The following RABGAP1L variants were observed in gnomAD, a reference collection of about 807,000 sequenced individuals.
RABGAP1L encodes rab GTPase-activating protein 1-like.
Under a neutral mutation model 137.7 loss-of-function variants are expected in RABGAP1L, and 63 were observed. The ratio of observed to expected loss-of-function variants is 0.46; its 90% CI spans 0.37 to 0.56. The LOEUF (loss-of-function observed/expected upper bound fraction) is 0.56, where lower values mean the gene tolerates loss of function less well. Ranked by LOEUF, RABGAP1L falls within the 20% of genes least tolerant of loss-of-function variation. The probability of loss-of-function intolerance (pLI) is 0.00; values close to 1 mark genes in which losing one functional copy is unlikely to be tolerated. For synonymous variants in RABGAP1L, 431 were observed against 433.7 expected (o/e 0.99, Z 0.08); for missense variants, 1,095 against 1,244.0 (o/e 0.88, Z 1.80).
At chr1:174,491,416 A>G (rs1224477636) in intron 13 of RABGAP1L, among the ~76,000 whole-genome samples, 1 of 151,880 alleles carries the variant, frequency 6.6e-6, no homozygotes, top group Admixed American at 6.6e-5. Context: ...CTGGTACCCT[A>G]TCCTACTGTG....
chr1:174,229,504 T>G (rs1325910417), intron 3 of RABGAP1L, among the ~76,000 whole-genome samples: 2 of 152,018 alleles, frequency 1.3e-5, no homozygotes, highest in African/African-American at 4.8e-5. Flanking sequence ...GACCTGTGCT[T>G]TTCTAGAGGG....
chr1:174,263,216 C>T (rs1277628678), intron 7 of RABGAP1L, among the ~76,000 whole-genome samples: 2 of 152,230 alleles, frequency 1.3e-5, no homozygotes, highest in Admixed American at 6.5e-5. Context: ...TTCCTGCGTG[C>T]CTGTGGTCTA....
chr1:174,377,524 A>C (rs1422145552), intron 12 of RABGAP1L, among the ~76,000 whole-genome samples: 1 of 152,182 alleles, frequency 6.6e-6, no homozygotes, highest in Non-Finnish European at 1.5e-5. Context: ...TAGAAAAGAG[A>C]GTTCAGAAAT....
chr1:174,196,756 A>G (rs1467707618), intron 1 of RABGAP1L, among the ~76,000 whole-genome samples: 1 of 152,130 alleles, frequency 6.6e-6, no homozygotes, highest in Non-Finnish European at 1.5e-5. Flanking sequence ...TAGAAATTTT[A>G]TAAACATGTT....
At chr1:174,604,924 A>T (rs1355472365) in intron 13 of RABGAP1L, among the ~76,000 whole-genome samples, 1 of 152,116 alleles carries the variant, frequency 6.6e-6, no homozygotes, top group Admixed American at 6.6e-5. Flanking sequence ...CAGGCATATC[A>T]CTTGAGGTCA....
At chr1:174,956,810 G>A (rs955837390) in intron 19 of RABGAP1L, among the ~76,000 whole-genome samples, 1 of 151,704 alleles carries the variant, frequency 6.6e-6, no homozygotes, top group Non-Finnish European at 1.5e-5. Context: ...ACCATGCCCC[G>A]CTAATTTTTG....
At chr1:174,270,999 T>C (rs761995571) in intron 7 of RABGAP1L, among the ~76,000 whole-genome samples, 23 of 152,138 alleles carry the variant, frequency 1.5e-4, no homozygotes, top group Non-Finnish European at 2.9e-4. Flanking sequence ...GTATAAGAAA[T>C]AGTACAGTGA....
chr1:174,551,646 A>G (rs1666553127), intron 13 of RABGAP1L, among the ~76,000 whole-genome samples: 1 of 152,198 alleles, frequency 6.6e-6, no homozygotes, highest in African/African-American at 2.4e-5. Context: ...AGAAGAGAAA[A>G]TAAACCCGAA....
intron 19 of RABGAP1L, among the ~76,000 whole-genome samples, chr1:174,840,410 C>G (rs1207750427): frequency 6.6e-6 from 1 of 152,118 alleles, no homozygotes; most frequent in African/African-American, 2.4e-5. Flanking sequence ...AGATCTCACA[C>G]AAAGCTGGCA....
At chr1:174,219,078 GT>G in intron 1 of RABGAP1L, 46 bp from the exon 2 acceptor site, 1 of 1,363,220 alleles carries the variant, frequency 7.3e-7, no homozygotes, top group Non-Finnish European at 1.0e-6. Flanking sequence ...ATTAGTTCAT[GT>G]TTTTAATCAG....
intron 19 of RABGAP1L, among the ~76,000 whole-genome samples, chr1:174,912,276 G>A (rs1660172971): frequency 6.6e-6 from 1 of 151,982 alleles, no homozygotes; most frequent in Non-Finnish European, 1.5e-5. Context: ...TGAGTAGCTG[G>A]GACTACCAGT....
chr1:174,904,813 T>A (rs1658763374), intron 19 of RABGAP1L, among the ~76,000 whole-genome samples: 1 of 151,984 alleles, frequency 6.6e-6, no homozygotes, highest in Non-Finnish European at 1.5e-5. Flanking sequence ...CATGCCCAGC[T>A]AATTTTTAAA....
At chr1:174,410,634 G>T (rs183382388) in intron 13 of RABGAP1L, among the ~76,000 whole-genome samples, 15 of 152,138 alleles carry the variant, frequency 9.9e-5, no homozygotes, top group African/African-American at 3.6e-4. Context: ...TGCTGTTTTG[G>T]TTACTGTAGC....
chr1:174,754,169 G>T (rs534284410), intron 18 of RABGAP1L, among the ~76,000 whole-genome samples: 278 of 152,246 alleles, frequency 1.8e-3, no homozygotes, highest in Non-Finnish European at 2.9e-3. Flanking sequence ...GGGCACTCTT[G>T]TAGCATCATC....
At chr1:174,467,498 A>C (rs1657435719) in intron 13 of RABGAP1L, among the ~76,000 whole-genome samples, 1 of 152,122 alleles carries the variant, frequency 6.6e-6, no homozygotes, top group Admixed American at 6.5e-5. Flanking sequence ...TGTTAGACAA[A>C]GAGTAAAATT....
At chr1:174,483,082 G>A (rs755675619) in intron 13 of RABGAP1L, among the ~76,000 whole-genome samples, 1 of 151,914 alleles carries the variant, frequency 6.6e-6, no homozygotes, top group Non-Finnish European at 1.5e-5. Flanking sequence ...ATCACATCAG[G>A]GAAAGTGGAG....
chr1:174,209,205 C>T (rs1668702011), intron 1 of RABGAP1L, among the ~76,000 whole-genome samples: 1 of 152,196 alleles, frequency 6.6e-6, no homozygotes, highest in Non-Finnish European at 1.5e-5. Flanking sequence ...GTACCTCCTG[C>T]TCTGTGGCCT....
intron 15 of RABGAP1L, among the ~76,000 whole-genome samples, chr1:174,686,622 T>C (rs192321813): frequency 3.6e-4 from 54 of 150,148 alleles, no homozygotes; most frequent in African/African-American, 1.3e-3. Context: ...ACATGGGTGG[T>C]GAAGCTTTGG....
At chr1:174,538,728 A>G (rs181465458) in intron 13 of RABGAP1L, among the ~76,000 whole-genome samples, 73 of 152,312 alleles carry the variant, frequency 4.8e-4, no homozygotes, top group African/African-American at 1.7e-3. Context: ...GAAACCCATT[A>G]TAGAATTTCA....
Sources: allele counts gnomAD v4.1 joint callset (sites outside exome capture counted in the v4.1 genomes callset), GRCh38; gene constraint gnomAD v4.1.1; transcripts MANE v1.5; gene names NCBI Gene and HGNC (gene_info 2026-07-23, HGNC 2026-07-21).